Variants in MAK observed in about 807,000 individuals in gnomAD.
MAK encodes the protein male germ cell associated kinase.
A neutral mutation model predicts 82.6 loss-of-function variants in MAK; 65 were observed. The ratio of observed to expected loss-of-function variants is 0.79; its 90% CI spans 0.64 to 0.97. MAK has a LOEUF of 0.97. Among genes scored for constraint, MAK ranks in the 50% least tolerant of loss-of-function variants. MAK has a pLI of 0.00. For synonymous variants in MAK, 250 were observed against 274.2 expected, an observed-to-expected ratio of 0.91 and a Z score of 0.87; for missense variants, 703 against 780.2, an observed-to-expected ratio of 0.90 and a Z score of 1.18.
chr6:10,811,847 AT>A (rs1490682212), intron 5 of MAK, among the ~76,000 whole-genome samples: 2 of 152,164 alleles, frequency 1.3e-5, no homozygotes, highest in Non-Finnish European at 2.9e-5. Context: ...CCTGCATAGC[AT>A]TTTTGGAAGG....
chr6:10,771,912 A>T (rs1189897812), intron 13 of MAK, among the ~76,000 whole-genome samples: 3 of 152,250 alleles, frequency 2.0e-5, no homozygotes. Context: ...TGCATTCACT[A>T]GCAGCTTCAG....
intron 6 of MAK, among the ~76,000 whole-genome samples, chr6:10,806,022 C>T (rs1737270): frequency 0.82 from 125,209 of 152,088 alleles, 51,527 homozygotes; most frequent in East Asian, 0.9. Context: ...CATGAAAGGC[C>T]TGGTGCTGTT....
At chr6:10,823,381 C>T (rs548813415) in intron 2 of MAK, among the ~76,000 whole-genome samples, 15 of 152,258 alleles carry the variant, frequency 9.9e-5, no homozygotes, top group South Asian at 8.3e-4. Flanking sequence ...CCCCCGACAC[C>T]GGCTCTTTTG....
At chr6:10,785,982 C>T (rs181811470) in intron 10 of MAK, among the ~76,000 whole-genome samples, 32 of 152,286 alleles carry the variant, frequency 2.1e-4, no homozygotes, top group African/African-American at 5.3e-4. Flanking sequence ...CAGTGGCTCA[C>T]GCCTGTAATT....
At chr6:10,837,340 T>G (rs1779207221) in intron 1 of MAK, among the ~76,000 whole-genome samples, 1 of 152,202 alleles carries the variant, frequency 6.6e-6, no homozygotes, top group African/African-American at 2.4e-5. Context: ...AAAAGCACAG[T>G]TCTCTGTGCT....
intron 2 of MAK, among the ~76,000 whole-genome samples, chr6:10,824,420 C>A (rs1778201158): frequency 6.6e-6 from 1 of 152,112 alleles, no homozygotes; most frequent in South Asian, 2.1e-4. Context: ...TTCCTACAAC[C>A]ACCTGTGTGG....
intron 11 of MAK, among the ~76,000 whole-genome samples, chr6:10,781,596 G>A (rs1358821127): frequency 1.3e-5 from 2 of 151,768 alleles, no homozygotes; most frequent in South Asian, 2.1e-4. Flanking sequence ...GCTAATTACT[G>A]TATTTTTAGT....
chr6:10,826,239 C>T (rs985058359), intron 2 of MAK, among the ~76,000 whole-genome samples: 9 of 149,794 alleles, frequency 6.0e-5, no homozygotes, highest in Admixed American at 2.0e-4. Context: ...GGAGCATTTC[C>T]CCCCACCCCC....
At chr6:10,798,060 A>G (rs1775703253) in intron 8 of MAK, 5 of 627,800 alleles carry the variant, frequency 8.0e-6, no homozygotes, top group Non-Finnish European at 9.9e-6. Context: ...TTGGAGCTGG[A>G]AACTTTGAGG....
chr6:10,768,798 T>G (rs1772709609), intron 14 of MAK, among the ~76,000 whole-genome samples: 1 of 152,210 alleles, frequency 6.6e-6, no homozygotes, highest in African/African-American at 2.4e-5. Context: ...AAGTCCAGGC[T>G]TTATACATTT....
intron 6 of MAK, among the ~76,000 whole-genome samples, chr6:10,805,454 G>A (rs1343066108): frequency 6.6e-6 from 1 of 151,892 alleles, no homozygotes; most frequent in Non-Finnish European, 1.5e-5. Context: ...GGGTGTAGTG[G>A]TGGGCGTCTG....
rs1776200036 is a variant in MAK at position 10,803,819 on chromosome 6, A to ACTT, written c.561_563dup (p.Gly187_Ser188insArg). 1 of 1,614,076 alleles carries ACTT rather than the reference A, an allele frequency of 6.2e-7. No homozygotes were observed. The highest frequency in any genetic ancestry group is 2.2e-5 in the East Asian group (1 of 44,876). On this transcript the variant is annotated inframe_insertion, in exon 7 of 15. Coordinates refer to ENST00000354489, the MANE Select transcript of MAK (RefSeq NM_001242957.3). ...TTAACATATAGAGTTCAGCCATGAT[A>ACTT]CTTCCAACAGCCCACACATCAATGG...
Position 10,809,015 on chromosome 6 carries a change from CA to C in MAK, c.359-74del, listed in dbSNP as rs946943086. 1.9e-5 allele frequency: 25 copies of C among 1,325,162 alleles called. No individual in the cohort carries two copies. In the African/African-American group the frequency reaches 3.5e-4, roughly 19 times the overall value. The allele number at this position is 1,325,162 out of a possible 1,614,324, so 82.1% of individuals were successfully genotyped here. ...AACATAGCTTTATTTGATTTATAAA[CA>C]AAATATAAATGAACCCCCTCTTTTA... is the stretch of plus-strand genomic sequence containing the variant. On this transcript the variant is annotated intron_variant, in intron 5 of 14. Coordinates refer to ENST00000354489, the MANE Select transcript of MAK (RefSeq NM_001242957.3).
At chr6:10,834,446 C>T (rs114940883) in intron 1 of MAK, among the ~76,000 whole-genome samples, 2,344 of 152,282 alleles carry the variant, frequency 0.015, 55 homozygotes, top group South Asian at 0.048. Flanking sequence ...ACAAGCCATT[C>T]TTATGAACTG....
chr6:10,813,130 A>T (rs1561987545), intron 5 of MAK, among the ~76,000 whole-genome samples: 136 of 768 alleles, frequency 0.18, 43 homozygotes, highest in South Asian at 0.5. Context: ...ATATATATAT[A>T]TATAAATTTT....
At chr6:10,801,405 C>G (rs1581709148) in intron 8 of MAK, among the ~76,000 whole-genome samples, 1 of 152,156 alleles carries the variant, frequency 6.6e-6, no homozygotes, top group Admixed American at 6.5e-5. Context: ...GGAACAAAGC[C>G]TGGGTGCCAC....
At chr6:10,787,254 A>G (rs1005707648) in intron 10 of MAK, among the ~76,000 whole-genome samples, 2 of 152,276 alleles carry the variant, frequency 1.3e-5, no homozygotes, top group Non-Finnish European at 2.9e-5. Context: ...CAAATCCACC[A>G]ATTCACCAAT....
At position 10,764,215 on chromosome 6, in the gene MAK, T is replaced by A; in HGVS notation, c.*237A>T. 2.1e-6 allele frequency: 1 copy of A among 483,150 alleles called. No individual in the cohort carries two copies. The highest frequency in any genetic ancestry group is 3.1e-5 in the South Asian group (1 of 31,756). The allele number at this position is 483,150 out of a possible 1,614,324, so 29.9% of individuals were successfully genotyped here. A position where few individuals can be genotyped will look rare whatever the true frequency, so the allele number is the denominator to read the frequency against. On this transcript the variant is annotated 3_prime_UTR_variant, in exon 15 of 15. Coordinates refer to ENST00000354489, the MANE Select transcript of MAK (RefSeq NM_001242957.3). ...AAATACTTCATACTTTGGCAAATAG[T>A]TTATTCAATACTTTGTAACATCCTA...
At chr6:10,809,960 T>C (rs1260841281) in intron 5 of MAK, among the ~76,000 whole-genome samples, 1 of 151,786 alleles carries the variant, frequency 6.6e-6, no homozygotes, top group Non-Finnish European at 1.5e-5. Context: ...TAGCCGGGCA[T>C]GGTGGTGTGC....
Sources: allele counts gnomAD v4.1 joint callset (sites outside exome capture counted in the v4.1 genomes callset), GRCh38; gene constraint gnomAD v4.1.1; transcripts MANE v1.5; gene names NCBI Gene and HGNC (gene_info 2026-07-23, HGNC 2026-07-21).